Variants in ZNF506 observed in about 807,000 individuals in gnomAD.
ZNF506 encodes zinc finger protein 506.
A neutral mutation model predicts 11.6 loss-of-function variants in ZNF506; 10 were observed. The ratio of observed to expected loss-of-function variants is 0.86; its 90% confidence interval spans 0.53 to 1.46. The LOEUF (loss-of-function observed/expected upper bound fraction) is 1.46, where lower values mean the gene tolerates loss of function less well. ZNF506 is among the 40% of genes most tolerant of loss of function. The pLI, the probability that ZNF506 is intolerant of heterozygous loss-of-function variation, is 0.00. For missense variants in ZNF506, 425 were observed against 521.2 expected, an observed-to-expected ratio of 0.82 and a Z score of 1.80; for synonymous variants, 156 against 173.3, an observed-to-expected ratio of 0.90 and a Z score of 0.78.
chr19:19,795,724 T>C, intron 3 of ZNF506, 64 bp from the exon 4 acceptor site: 1 of 1,388,470 alleles, frequency 7.2e-7, no homozygotes, highest in Non-Finnish European at 9.5e-7. Flanking sequence ...ACTTCACAAA[T>C]CTAACCTATA....
rs138015622 is a variant in ZNF506, at chr19:19,801,037, A to G, written c.226+4994T>C. On this transcript the variant is annotated intron_variant, in intron 3 of 3. Transcript: ENST00000540806. ...TAGCCAGGTATGGTGGCGCATGCCT[A>G]TAGTCCCAGCTACTCAGGAGGGTGA... Among the ~76,000 whole-genome samples, 1,392 of 151,830 alleles carry G rather than the reference A, an allele frequency of 9.2e-3. 11 individuals carry two copies. Among genetic ancestry groups the G allele is most frequent in the South Asian group, 0.03 (145 of 4,792 alleles).
chr19:19,797,319 A>C (rs1267243710), intron 3 of ZNF506: 1 of 151,822 alleles, frequency 6.6e-6, no homozygotes, highest in Non-Finnish European at 1.5e-5. Flanking sequence ...GTTGACAGGC[A>C]CCTGTAATCC....
At chr19:19,818,069 C>T (rs2062946810) in intron 1 of ZNF506, among the ~76,000 whole-genome samples, 1 of 151,306 alleles carries the variant, frequency 6.6e-6, no homozygotes, top group Admixed American at 6.6e-5. Flanking sequence ...CTCAAGTGAT[C>T]AACCCCCCTC....
chr19:19,801,392 A>G (rs996244916), intron 3 of ZNF506, among the ~76,000 whole-genome samples: 2 of 151,706 alleles, frequency 1.3e-5, no homozygotes, highest in African/African-American at 4.8e-5. Flanking sequence ...CTACTCAGAA[A>G]GCTAAGGCAG....
At chr19:19,801,182 G>GAAAAC (rs978274587) in intron 3 of ZNF506, among the ~76,000 whole-genome samples, 1 of 151,596 alleles carries the variant, frequency 6.6e-6, no homozygotes, top group East Asian at 1.9e-4. Flanking sequence ...AAAAAGAAAA[G>GAAAAC]AAAACAAAAC....
intron 3 of ZNF506, among the ~76,000 whole-genome samples, chr19:19,799,924 T>G (rs2062776191): frequency 6.7e-6 from 1 of 148,634 alleles, no homozygotes; most frequent in Non-Finnish European, 1.5e-5. Context: ...TCAAAACACA[T>G]CAAAAAGCTA....
chr19:19,812,223 C>A (rs1368490225), intron 1 of ZNF506, among the ~76,000 whole-genome samples: 2 of 152,236 alleles, frequency 1.3e-5, no homozygotes, highest in African/African-American at 4.8e-5. Context: ...GTCAGCCTGA[C>A]ACAATTCTGC....
chr19:19,818,885 G>T (rs1262567023), intron 1 of ZNF506, among the ~76,000 whole-genome samples: 1 of 152,174 alleles, frequency 6.6e-6, no homozygotes, highest in East Asian at 1.9e-4. Flanking sequence ...CTATTGGGGA[G>T]GCCGAGGCAT....
rs551680649 is a variant in ZNF506 at position 19,814,510 on chromosome 19, AGAG to A, written c.3+7088_3+7090del. ...AAATAATAACAACACATGAACACAA[AGAG>A]GAGAACAAAAGACACTGAGGCCTAG... On this transcript the variant is annotated intron_variant, in intron 1 of 3. Transcript: ENST00000540806. Among the ~76,000 whole-genome samples the A allele has an allele frequency of 4.1e-4, 62 of 152,090 alleles. 1 individual carries two copies. In the South Asian group the frequency reaches 0.012, roughly 31 times the overall value.
rs921271581 is a variant in ZNF506 at position 19,816,267 on chromosome 19, G to A, written c.3+5334C>T. ...GGCACTATCCTGGCTCACTGCAACC[G>A]CTGCCTCCCAGGTTCAAGCCATTCT... On this transcript the variant is annotated intron_variant, in intron 1 of 3. Transcript: ENST00000540806. Among the ~76,000 whole-genome samples, 25 of 150,278 alleles carry A rather than the reference G, an allele frequency of 1.7e-4. 1 individual carries two copies. Among genetic ancestry groups the A allele is most frequent in the African/African-American group, 5.6e-4 (23 of 40,774 alleles).
intron 3 of ZNF506, chr19:19,795,984 C>A: frequency 3.3e-6 from 1 of 300,308 alleles, no homozygotes; most frequent in Non-Finnish European, 6.6e-6. Context: ...AACATTGTGC[C>A]TTTAAAAGTA....
Position 19,804,567 on chromosome 19 carries a change from G to T in ZNF506, c.226+1464C>A, listed in dbSNP as rs193106034. ...AGAACTAGAAATACCATTTGATCCA[G>T]TGATCCCATTACTGGGTATATACCC... On this transcript the variant is annotated intron_variant, in intron 3 of 3. Coordinates refer to ENST00000540806, the MANE Select transcript of ZNF506 (RefSeq NM_001099269.3). Among the ~76,000 whole-genome samples, 199 of 152,322 alleles carry T rather than the reference G, an allele frequency of 1.3e-3. 3 individuals carry two copies. The highest frequency in any genetic ancestry group is 4.5e-3 in the African/African-American group (185 of 41,572).
At chr19:19,808,945 C>T (rs1391285361) in intron 1 of ZNF506, among the ~76,000 whole-genome samples, 8 of 151,544 alleles carry the variant, frequency 5.3e-5, no homozygotes, top group African/African-American at 1.9e-4. Flanking sequence ...GTAGGCTTCA[C>T]TTAGCTCCCT....
At chr19:19,816,653 T>TAAAATATTTCTTAATCA (rs2062934665) in intron 1 of ZNF506, among the ~76,000 whole-genome samples, 1 of 151,666 alleles carries the variant, frequency 6.6e-6, no homozygotes, top group Admixed American at 6.6e-5. Flanking sequence ...CCACTGCGCC[T>TAAAATATTTCTTAATCA]GACTTGTGTT....
intron 1 of ZNF506, 30 bp downstream of exon 1, chr19:19,821,569 CCT>C: frequency 6.2e-7 from 1 of 1,614,010 alleles, no homozygotes; most frequent in Non-Finnish European, 8.5e-7. Flanking sequence ...AGCCCCTCTC[CCT>C]CTCTCGGGAT....
At chr19:19,818,986 CA>C (rs908019342) in intron 1 of ZNF506, among the ~76,000 whole-genome samples, 1 of 151,992 alleles carries the variant, frequency 6.6e-6, no homozygotes, top group African/African-American at 2.4e-5. Context: ...TGTTTCAAAA[CA>C]AAACAAAAAC....
At chr19:19,816,104 C>T (rs2062928667) in intron 1 of ZNF506, among the ~76,000 whole-genome samples, 1 of 152,042 alleles carries the variant, frequency 6.6e-6, no homozygotes, top group African/African-American at 2.4e-5. Flanking sequence ...GACACACACT[C>T]TGCACATTTT....
rs2062706799 is a variant in ZNF506 at position 19,793,055 on chromosome 19, A to G, written c.*1497T>C. On this transcript the variant is annotated 3_prime_UTR_variant, in exon 4 of 4. Coordinates refer to ENST00000540806, the MANE Select transcript of ZNF506 (RefSeq NM_001099269.3). ...ATCACATGCTTTCACATGTGACCACAATAGGAATAAAATAACAGCGTAAAG... is the reference window on the plus strand; with the variant it reads ...ATCACATGCTTTCACATGTGACCACGATAGGAATAAAATAACAGCGTAAAG... 6.6e-6 allele frequency among the ~76,000 whole-genome samples: 1 copy of G among 152,204 alleles called. No individual in the cohort carries two copies. Among genetic ancestry groups the G allele is most frequent in the Non-Finnish European group, 1.5e-5 (1 of 68,018 alleles).
chr19:19,799,989 CAG>C (rs2062776684), intron 3 of ZNF506, among the ~76,000 whole-genome samples: 1 of 151,844 alleles, frequency 6.6e-6, no homozygotes, highest in African/African-American at 2.4e-5. Flanking sequence ...ACTAATAAAA[CAG>C]AATGCAGCAC....
Sources: gnomAD v4.1 joint callset for allele counts (sites outside exome capture counted in the v4.1 genomes callset) on GRCh38, gnomAD v4.1.1 for gene constraint, MANE v1.5 for transcripts, NCBI Gene and HGNC (gene_info 2026-07-23, HGNC 2026-07-21) for gene names.